Variants in MORC1 observed in about 807,000 individuals in gnomAD.
MORC1 encodes MORC family CW-type zinc finger 1, also known as MORC family CW-type zinc finger protein 1.
Under a neutral mutation model 134.9 loss-of-function variants are expected in MORC1, and 59 were observed. The ratio of observed to expected loss-of-function variants is 0.44; its 90% CI spans 0.35 to 0.54. The LOEUF is 0.54. MORC1 is among the 20% of genes least tolerant of loss of function. MORC1 has a pLI of 0.00. For missense variants in MORC1, 947 were observed against 1,134.5 expected (o/e 0.83, Z 2.37); for synonymous variants, 395 against 391.7 (o/e 1.01, Z -0.10).
intron 21 of MORC1, among the ~76,000 whole-genome samples, chr3:108,989,459 A>G (rs1177362438): frequency 6.6e-6 from 1 of 152,128 alleles, no homozygotes; most frequent in Non-Finnish European, 1.5e-5. Context: ...TGATGGATCA[A>G]CATAATACTG....
intron 14 of MORC1, among the ~76,000 whole-genome samples, chr3:109,043,196 G>GT (rs1373362766): frequency 8.2e-6 from 1 of 121,846 alleles, no homozygotes; most frequent in African/African-American, 3.3e-5. Flanking sequence ...TGTGGGGGGG[G>GT]GGGGGTGTGT....
intron 8 of MORC1, among the ~76,000 whole-genome samples, chr3:109,085,174 CTGTG>C (rs375880275): frequency 2.0e-4 from 30 of 150,926 alleles, no homozygotes; most frequent in African/African-American, 6.3e-4. Flanking sequence ...GTGTATGTGT[CTGTG>C]TGTGTGTGTC....
intron 7 of MORC1, 28 bp downstream of exon 7, chr3:109,094,881 C>T (rs1383217618): frequency 1.3e-6 from 2 of 1,531,040 alleles, no homozygotes; most frequent in Non-Finnish European, 1.7e-6. Flanking sequence ...ATACTTCCAT[C>T]AAATTGTCAG....
intron 18 of MORC1, 26 bp from the exon 19 acceptor site, chr3:109,005,341 A>AT: frequency 6.4e-7 from 1 of 1,553,816 alleles, no homozygotes; most frequent in Non-Finnish European, 8.7e-7. Flanking sequence ...ACATGTTTTT[A>AT]TTTTTTGGTA....
At chr3:109,066,016 C>T (rs960313099) in intron 9 of MORC1, among the ~76,000 whole-genome samples, 10 of 151,800 alleles carry the variant, frequency 6.6e-5, no homozygotes, top group African/African-American at 1.9e-4. Flanking sequence ...GAATACAAGA[C>T]GGGGGAGAGG....
chr3:109,006,024 A>G (rs1948531621), intron 18 of MORC1, among the ~76,000 whole-genome samples: 2 of 152,326 alleles, frequency 1.3e-5, no homozygotes, highest in Admixed American at 1.3e-4. Context: ...TCAAATCTCA[A>G]GGCATGAGAC....
chr3:109,116,816 A>G (rs1037280533), intron 1 of MORC1, among the ~76,000 whole-genome samples: 1 of 152,142 alleles, frequency 6.6e-6, no homozygotes, highest in Non-Finnish European at 1.5e-5. Flanking sequence ...AGGAGCTGAG[A>G]AGTCTTCCAT....
intron 14 of MORC1, among the ~76,000 whole-genome samples, chr3:109,045,265 AG>A (rs1391741310): frequency 6.6e-6 from 1 of 152,206 alleles, no homozygotes; most frequent in Non-Finnish European, 1.5e-5. Context: ...ACCTTTTCTC[AG>A]GGAACAGTTA....
At chr3:109,015,456 T>G (rs747466621) in intron 17 of MORC1, among the ~76,000 whole-genome samples, 10 of 152,228 alleles carry the variant, frequency 6.6e-5, no homozygotes, top group Non-Finnish European at 1.5e-4. Flanking sequence ...CCCACCCATC[T>G]GAGTTCTGCT....
In MORC1 at chr3:108,989,075, T is replaced by C. The variant is rs186178287; in HGVS notation, c.2188-2126A>G. ...TCTTTGAAATAACATTGTGTAAATC[T>C]GATTTTATAGGATGCTGCCTTCTAT... On this transcript the variant is annotated intron_variant, in intron 21 of 27. Coordinates refer to ENST00000232603, the MANE Select transcript of MORC1 (RefSeq NM_014429.4). Among the ~76,000 whole-genome samples, 779 of 151,026 alleles carry C rather than the reference T, an allele frequency of 5.2e-3. 17 individuals are homozygous for C. The highest frequency in any genetic ancestry group is 0.019 in the African/African-American group (749 of 40,350).
chr3:108,997,736 G>C (rs1033700462), intron 21 of MORC1, among the ~76,000 whole-genome samples: 1 of 152,024 alleles, frequency 6.6e-6, no homozygotes, highest in African/African-American at 2.4e-5. Context: ...GGTTAAATAT[G>C]AATCTGGAAA....
At chr3:109,110,612 G>T (rs1951142738) in intron 3 of MORC1, 137 bp downstream of exon 3, 4 of 710,800 alleles carry the variant, frequency 5.6e-6, no homozygotes, top group African/African-American at 3.7e-5. Flanking sequence ...TCCCCACAGG[G>T]TCACTGTACC....
At chr3:109,113,960 C>A (rs1051532395) in intron 2 of MORC1, among the ~76,000 whole-genome samples, 1 of 151,752 alleles carries the variant, frequency 6.6e-6, no homozygotes, top group Non-Finnish European at 1.5e-5. Context: ...TGACATAATG[C>A]TCATATATAA....
chr3:108,976,732 T>G (rs933589914), intron 24 of MORC1, among the ~76,000 whole-genome samples: 1 of 152,192 alleles, frequency 6.6e-6, no homozygotes, highest in African/African-American at 2.4e-5. Context: ...AGCTGATATA[T>G]TAACGCATTC....
chr3:109,032,880 G>C, intron 15 of MORC1, 55 bp from the exon 16 acceptor site: 3 of 1,159,230 alleles, frequency 2.6e-6, no homozygotes, highest in Non-Finnish European at 3.8e-6. Context: ...ATCTATCATA[G>C]TAAGATGTCA....
chr3:108,980,057 C>T (rs1428574564), intron 23 of MORC1, among the ~76,000 whole-genome samples: 1 of 152,038 alleles, frequency 6.6e-6, no homozygotes, highest in Non-Finnish European at 1.5e-5. Context: ...ACTTAAAAAG[C>T]AACAAATTAA....
At chr3:109,044,634 T>C (rs1949642638) in intron 14 of MORC1, among the ~76,000 whole-genome samples, 1 of 151,100 alleles carries the variant, frequency 6.6e-6, no homozygotes, top group Non-Finnish European at 1.5e-5. Flanking sequence ...AGCTGACACA[T>C]ATTTTGCCTC....
intron 16 of MORC1, among the ~76,000 whole-genome samples, chr3:109,031,687 T>C (rs1949244783): frequency 6.6e-6 from 1 of 152,180 alleles, no homozygotes; most frequent in Non-Finnish European, 1.5e-5. Flanking sequence ...AATAGAACAG[T>C]GTTTTATAAT....
At chr3:109,007,904 G>A (rs1948583799) in intron 17 of MORC1, among the ~76,000 whole-genome samples, 2 of 151,762 alleles carry the variant, frequency 1.3e-5, no homozygotes, top group African/African-American at 2.4e-5. Context: ...TAATCTTTCT[G>A]GAGATGTGTT....
Sources: allele counts gnomAD v4.1 joint callset (sites outside exome capture counted in the v4.1 genomes callset), GRCh38; gene constraint gnomAD v4.1.1; transcripts MANE v1.5; gene names NCBI Gene and HGNC (gene_info 2026-07-23, HGNC 2026-07-21).